ESRP2: variants seen among roughly 807,000 people sequenced by gnomAD.
The protein encoded by ESRP2 is RNA binding motif protein 35A.
In ESRP2, 48 loss-of-function variants were observed where a neutral mutation model predicts 78.6. The ratio of observed to expected loss-of-function variants is 0.61; its 90% CI spans 0.48 to 0.78. The LOEUF (loss-of-function observed/expected upper bound fraction) is 0.78. Ranked by LOEUF, ESRP2 falls within the 30% of genes least tolerant of loss-of-function variation. ESRP2 has a pLI of 0.00. For synonymous variants in ESRP2, 383 were observed against 406.7 expected (o/e 0.94, Z 0.70); for missense variants, 863 against 965.9 (o/e 0.89, Z 1.41).
In ESRP2 at chr16:68,229,752, A is replaced by G. The variant is rs1009088428; in HGVS notation, c.*474T>C. On this transcript the variant is annotated 3_prime_UTR_variant, in exon 15 of 15. Transcript: ENST00000473183. ...AGGGGCTGGCTCTCTCTGCCTCCCT[A>G]TCCCCTACAAGAGGGACAGGGAGAG... The G allele has an allele frequency of 3.7e-5, 6 of 162,654 alleles. No homozygotes were observed. The highest frequency in any genetic ancestry group is 1.7e-4 in the East Asian group (1 of 5,994). The allele number at this position is 162,654 out of a possible 1,614,324, so 10.1% of individuals were successfully genotyped here. A position where few individuals can be genotyped will look rare whatever the true frequency, so the allele number is the denominator to read the frequency against.
At position 68,231,913 on chromosome 16, in the gene ESRP2, G is replaced by A. The variant is rs760552882; in HGVS notation, c.1188C>T (p.Phe396=). 10 of 1,613,932 alleles carry A rather than the reference G, an allele frequency of 6.2e-6. No homozygotes were observed. In the East Asian group the frequency reaches 8.9e-5, roughly 14 times the overall value. The change falls in exon 10 of 15, where the codon TTC becomes TTT. Residue 396 remains phenylalanine (F), a synonymous_variant. Coordinates refer to ENST00000473183, the MANE Select transcript of ESRP2 (RefSeq NM_024939.3). The surrounding 1 kb of genome is among the most constrained non-coding windows in gnomAD (Gnocchi z 6.0). ...HPDGRPTGDA[F]ALFACEELAQ... The stretch of plus-strand genomic sequence containing the variant: ...CCAGCTCCTCACAAGCAAAGAGGGC[G>A]AAGGCATCACCAGTCGGCCGGCCAT...
At chr16:68,233,916 G>A in intron 3 of ESRP2, 34 bp from the exon 4 acceptor site, 1 of 1,603,850 alleles carries the variant, frequency 6.2e-7, no homozygotes, top group Non-Finnish European at 8.5e-7. Context: ...TGAGCGCCCT[G>A]CCCACCCTCA....
rs772659010 is a variant in ESRP2 at position 68,231,606 on chromosome 16, C to T, written c.1388G>A (p.Gly463Glu). The change falls in exon 11 of 15, where the codon GGG becomes GAG. Residue 463 changes from glycine (G) to glutamate (E), a missense_variant. Coordinates refer to ENST00000473183, the MANE Select transcript of ESRP2 (RefSeq NM_024939.3). The surrounding 1 kb of genome is among the most constrained non-coding windows in gnomAD (Gnocchi z 6.0). ...GCCTCGGAGGCGTACACAGTCCCTC[C>T]CAGTCCCAGGTGCCAGTGGGAAGGG... is the stretch of plus-strand genomic sequence containing the variant. ...PIPFPLAPGT[G>E]RDCVRLRGLP... 6.2e-6 allele frequency: 10 copies of T among 1,613,824 alleles called. No individual in the cohort carries two copies. Among genetic ancestry groups the T allele is most frequent in the Non-Finnish European group, 8.5e-6 (10 of 1,179,972 alleles).
chr16:68,230,805 G>T lies in ESRP2; in HGVS notation c.1898+36C>A, dbSNP rs201276474. On this transcript the variant is annotated intron_variant, in intron 13 of 14. Transcript: ENST00000473183. Reference sequence around the variant, plus strand: ...TGACCTTTCCCCAGATTGGGACAGGGAGTGGGACTGTGATATTCTCTTAGC... The same window carrying T: ...TGACCTTTCCCCAGATTGGGACAGGTAGTGGGACTGTGATATTCTCTTAGC... 3 of 1,612,290 alleles carry T rather than the reference G, an allele frequency of 1.9e-6. No individual in the cohort carries two copies. In the South Asian group the frequency reaches 3.3e-5, roughly 18 times the overall value.
intron 13 of ESRP2, 85 bp from the exon 14 acceptor site, chr16:68,230,639 T>C: frequency 6.8e-7 from 1 of 1,476,716 alleles, no homozygotes; most frequent in Non-Finnish European, 9.1e-7. Context: ...TGTTTCTGCC[T>C]TGTGCTTAAT....
chr16:68,229,111 T>G lies in ESRP2; in HGVS notation c.*1115A>C, dbSNP rs1183344449. ...TGGTTCTCAGTTATGTTTACAGCAC[T>G]TGGAATTGTGTGTTCTTGTACATTT... On this transcript the variant is annotated 3_prime_UTR_variant, in exon 15 of 15. Coordinates refer to ENST00000473183, the MANE Select transcript of ESRP2 (RefSeq NM_024939.3). 6.6e-6 allele frequency: 1 copy of G among 152,268 alleles called. No homozygotes were observed. The highest frequency in any genetic ancestry group is 1.9e-4 in the East Asian group (1 of 5,206). The allele number at this position is 152,268 out of a possible 1,614,324, so 9.4% of individuals were successfully genotyped here.
Position 68,233,766 on chromosome 16 carries a change from A to C in ESRP2, c.556+2T>G. 6.2e-7 allele frequency: 1 copy of C among 1,609,182 alleles called. No individual in the cohort carries two copies. ...ACCCTAACCCTGCTGGGTCACAGAT[A>C]CCCTGTGCCATGGTGGCCACAGTGA... On this transcript the variant is annotated splice_donor_variant, in intron 4 of 14. Transcript: ENST00000473183. LOFTEE classifies it high-confidence loss of function.
chr16:68,235,926 C>A lies in ESRP2; in HGVS notation c.120G>T (p.Ala40=), dbSNP rs746861254. 2 of 1,595,874 alleles carry A rather than the reference C, an allele frequency of 1.3e-6. No individual in the cohort carries two copies. The highest frequency in any genetic ancestry group is 1.1e-5 in the South Asian group (1 of 89,642). The change falls in exon 1 of 15, where the codon GCG becomes GCT. Residue 40 remains alanine, a synonymous_variant. Coordinates refer to ENST00000473183, the MANE Select transcript of ESRP2 (RefSeq NM_024939.3). This position sits in a 1 kb window ranked among gnomAD's most constrained non-coding sequence, Gnocchi z 5.5. ...CGTCCGAGCCCAGGTCCCGTCCCAG[C>A]GCACCCGCCGTAGCCCCGAAGAGGA... ...LVVLFGATAG[A]LGRDLGSDET... is the part of the protein sequence containing the mutation.
Position 68,232,175 on chromosome 16 carries a change from G to A in ESRP2, c.997+71C>T. 6.2e-7 allele frequency: 1 copy of A among 1,613,252 alleles called. No homozygotes were observed. The highest frequency in any genetic ancestry group is 1.3e-5 in the African/African-American group (1 of 75,000). ...ACTCACCCATGCAGGGGAGCAGGCAGGCAAGGGGTGGTGGGGAAGTGAAAT... is the reference window on the plus strand; with the variant it reads ...ACTCACCCATGCAGGGGAGCAGGCAAGCAAGGGGTGGTGGGGAAGTGAAAT... On this transcript the variant is annotated intron_variant, in intron 9 of 14. Transcript: ENST00000473183. This position sits in a 1 kb window ranked among gnomAD's most constrained non-coding sequence, Gnocchi z 5.2.
rs1225354777 is a variant in ESRP2, at chr16:68,235,287, GCTTC to G, written c.327+343_327+346del. Reference sequence around the variant, plus strand: ...CTATATGGGCCCCTCGACCCCTTTCGCTTCCGGCTGCGGCTCAGGGAGACCTGAC... The same window carrying G: ...CTATATGGGCCCCTCGACCCCTTTCGCGGCTGCGGCTCAGGGAGACCTGAC... On this transcript the variant is annotated intron_variant, in intron 2 of 14. Transcript: ENST00000473183. The surrounding 1 kb of genome is among the most constrained non-coding windows in gnomAD (Gnocchi z 5.5). 1 of 985,280 alleles carries G rather than the reference GCTTC, an allele frequency of 1.0e-6. No individual in the cohort carries two copies. Among genetic ancestry groups the G allele is most frequent in the African/African-American group, 1.7e-5 (1 of 57,230 alleles). 61.0% of individuals were successfully genotyped at this position (985,280 alleles called of 1,614,324 possible).
chr16:68,233,630 G>A (rs541273935), intron 4 of ESRP2, 138 bp downstream of exon 4: 3 of 756,408 alleles, frequency 4.0e-6, no homozygotes, highest in African/African-American at 1.7e-5. Flanking sequence ...GCACAGACAC[G>A]AAGACACAGT....
Position 68,235,563 on chromosome 16 carries a change from C to A in ESRP2, c.327+71G>T, listed in dbSNP as rs999564909. Reference sequence around the variant, plus strand: ...GTTGGTTGCGGCACGCCAGGCCTAGCCTCCGGCCGCCAATCCCGCCCAGAA... The same window carrying A: ...GTTGGTTGCGGCACGCCAGGCCTAGACTCCGGCCGCCAATCCCGCCCAGAA... On this transcript the variant is annotated intron_variant, in intron 2 of 14. Transcript: ENST00000473183. This position sits in a 1 kb window ranked among gnomAD's most constrained non-coding sequence, Gnocchi z 5.5. 2.2e-5 allele frequency: 34 copies of A among 1,574,716 alleles called. No individual in the cohort carries two copies. The highest frequency in any genetic ancestry group is 2.4e-5 in the Non-Finnish European group (28 of 1,170,284).
Position 68,235,783 on chromosome 16 carries a change from C to A in ESRP2, c.199-21G>T, listed in dbSNP as rs1269171212. The A allele has an allele frequency of 7.5e-6, 12 of 1,608,570 alleles. No homozygotes were observed. Among genetic ancestry groups the A allele is most frequent in the African/African-American group, 1.3e-5 (1 of 74,718 alleles). On this transcript the variant is annotated intron_variant, in intron 1 of 14. Coordinates refer to ENST00000473183, the MANE Select transcript of ESRP2 (RefSeq NM_024939.3). The surrounding 1 kb of genome is among the most constrained non-coding windows in gnomAD (Gnocchi z 5.5). ...CCCACCTGTGAGCGGCGGGGGAAAC[C>A]GATCAGCCGCGCCCCTCGACCCCGG...
Position 68,232,735 on chromosome 16 carries a change from C to A in ESRP2, c.710+26G>T, listed in dbSNP as rs746064646. On this transcript the variant is annotated intron_variant, in intron 6 of 14. Coordinates refer to ENST00000473183, the MANE Select transcript of ESRP2 (RefSeq NM_024939.3). The surrounding 1 kb of genome is among the most constrained non-coding windows in gnomAD (Gnocchi z 5.2). ...TGTCAGAGCTATTCAGCTGTTGTCA[C>A]CCCCAGCCCCTGCTCCCACACTCAC... The A allele has an allele frequency of 6.2e-7, 1 of 1,614,244 alleles. No individual in the cohort carries two copies. The highest frequency in any genetic ancestry group is 8.5e-7 in the Non-Finnish European group (1 of 1,180,044).
In ESRP2 at chr16:68,230,513, G is replaced by T; in HGVS notation, c.1940C>A (p.Pro647His). Residue 647 changes from proline to histidine, a missense_variant, in exon 14 of 15, where the codon CCC becomes CAC. Pro to His is a moderately conservative substitution (Grantham distance 77). Coordinates refer to ENST00000473183, the MANE Select transcript of ESRP2 (RefSeq NM_024939.3). ...SPTTVGYLTT[P>H]TAALASAPTS... ...GGGAGCAGAGGCCAGGGCAGCAGTGGGTGTAGTGAGGTAGCCCACAGTGGT... is the reference window on the plus strand; with the variant it reads ...GGGAGCAGAGGCCAGGGCAGCAGTGTGTGTAGTGAGGTAGCCCACAGTGGT... The T allele has an allele frequency of 6.2e-7, 1 of 1,600,130 alleles. No individual in the cohort carries two copies. Among genetic ancestry groups the T allele is most frequent in the Non-Finnish European group, 8.5e-7 (1 of 1,172,360 alleles).
In ESRP2 at chr16:68,235,616, A is replaced by G; in HGVS notation, c.327+18T>C. The G allele has an allele frequency of 6.3e-7, 1 of 1,596,356 alleles. No individual in the cohort carries two copies. The highest frequency in any genetic ancestry group is 8.5e-7 in the Non-Finnish European group (1 of 1,178,934). On this transcript the variant is annotated intron_variant, in intron 2 of 14. Transcript: ENST00000473183. The surrounding 1 kb of genome is among the most constrained non-coding windows in gnomAD (Gnocchi z 5.5). ...GTCCTCACGTCCAGGCCATGCCGCC[A>G]CCCACCCCGGCGCTCACCTGCTGCA...
rs1401434297 is a variant in ESRP2 at position 68,233,677 on chromosome 16, G to T, written c.556+91C>A. ...CTTAGCAGATAACGCAGTCTTGTATGTGTCCATATTACCCACCCACAGCAT... is the reference window on the plus strand; with the variant it reads ...CTTAGCAGATAACGCAGTCTTGTATTTGTCCATATTACCCACCCACAGCAT... On this transcript the variant is annotated intron_variant, in intron 4 of 14. Coordinates refer to ENST00000473183, the MANE Select transcript of ESRP2 (RefSeq NM_024939.3). The T allele has an allele frequency of 5.4e-6, 5 of 930,178 alleles. No homozygotes were observed. In the Admixed American group the frequency reaches 7.1e-5, roughly 13 times the overall value. The allele number at this position is 930,178 out of a possible 1,614,324, so 57.6% of individuals were successfully genotyped here. A position where few individuals can be genotyped will look rare whatever the true frequency, so the allele number is the denominator to read the frequency against.
intron 2 of ESRP2, 69 bp from the exon 3 acceptor site, chr16:68,234,176 G>A (rs1215392231): frequency 4.9e-6 from 6 of 1,225,524 alleles, no homozygotes; most frequent in Non-Finnish European, 7.0e-6. Flanking sequence ...GTGAGGGTAG[G>A]AGGAAGGAGG....
rs763513287 is a variant in ESRP2 at position 68,230,217 on chromosome 16, C to G, written c.*9G>C. 2.5e-6 allele frequency: 4 copies of G among 1,614,018 alleles called. No homozygotes were observed. The highest frequency in any genetic ancestry group is 3.4e-6 in the Non-Finnish European group (4 of 1,179,872). On this transcript the variant is annotated 3_prime_UTR_variant, in exon 15 of 15. Transcript: ENST00000473183. ...ATATCAGCTGGCTCTTACCTCCTGG[C>G]TTTCTCTCCTACAAACACACCCATT...
Sources: gnomAD v4.1 joint callset for allele counts on GRCh38, gnomAD v4.1.1 for gene constraint, Gnocchi (gnomAD v3.1) non-coding constraint, MANE v1.5 for transcripts, NCBI Gene and HGNC (gene_info 2026-07-23, HGNC 2026-07-21) for gene names.